The following TOE1 variants were observed in gnomAD, a reference collection of about 807,000 sequenced individuals.
The protein encoded by TOE1 is target of EGR1 protein 1.
Under a neutral mutation model 49.2 loss-of-function variants are expected in TOE1, and 50 were observed. That is an observed-to-expected ratio of 1.02 (90% confidence interval 0.81 to 1.29). The LOEUF is 1.29. TOE1 is among the 50% of genes most tolerant of loss of function. TOE1 has a pLI of 0.00. For missense variants in TOE1, 544 were observed against 654.4 expected, an observed-to-expected ratio of 0.83 and a Z score of 1.84; for synonymous variants, 221 against 247.0, an observed-to-expected ratio of 0.89 and a Z score of 0.99.
rs745910227 is a variant in TOE1, at chr1:45,343,650, G to A, written c.1481G>A (p.Arg494His). The change falls in exon 8 of 8, where the codon CGT becomes CAT. Residue 494 changes from arginine to histidine, a missense_variant. Physicochemically the swap from Arg to His is conservative, Grantham distance 29. Transcript: ENST00000372090. The surrounding 1 kb of genome is among the most constrained non-coding windows in gnomAD (Gnocchi z 4.3). ...ACAGTGGCCAAGAGCCAGTTCTCTC[G>A]TTCCTCCAAAGCCCACAATCAGAAG... ...PLTVAKSQFS[R>H]SSKAHNQKMK... The A allele has an allele frequency of 2.1e-5, 34 of 1,613,418 alleles. No homozygotes were observed. Among genetic ancestry groups the A allele is most frequent in the Middle Eastern group, 1.6e-4 (1 of 6,082 alleles).
Position 45,341,949 on chromosome 1 carries a change from G to A in TOE1, c.334G>A (p.Gly112Ser). Residue 112 changes from glycine to serine, a missense_variant and splice_region_variant, in exon 5 of 8, where the codon GGT becomes AGT. By Grantham distance (56) the Gly-to-Ser change is moderately conservative. Coordinates refer to ENST00000372090, the MANE Select transcript of TOE1 (RefSeq NM_025077.4). ...LACFKRQPDK[G>S]EHSYLAQVFN... ...TATAGCAGACTTCTCTTTCTCCCAG[G>A]GTGAACATTCCTATCTGGCTCAAGT... is the stretch of plus-strand genomic sequence containing the variant. 1 of 1,613,548 alleles carries A rather than the reference G, an allele frequency of 6.2e-7. No individual in the cohort carries two copies. Among genetic ancestry groups the A allele is most frequent in the South Asian group, 1.1e-5 (1 of 91,074 alleles).
chr1:45,343,958 G>C lies in TOE1; in HGVS notation c.*256G>C, dbSNP rs1647100286. The stretch of plus-strand genomic sequence containing the variant: ...TTTACAAAAAAAAAAATCAACAGAA[G>C]CAAGTTATGAAAATATTTGACCAGC... On this transcript the variant is annotated 3_prime_UTR_variant, in exon 8 of 8. Coordinates refer to ENST00000372090, the MANE Select transcript of TOE1 (RefSeq NM_025077.4). This position sits in a 1 kb window ranked among gnomAD's most constrained non-coding sequence, Gnocchi z 4.3. 1 of 412,894 alleles carries C rather than the reference G, an allele frequency of 2.4e-6. No homozygotes were observed. 25.6% of individuals were successfully genotyped at this position (412,894 alleles called of 1,614,324 possible). A position where few individuals can be genotyped will look rare whatever the true frequency, so the allele number is the denominator to read the frequency against.
Position 45,343,187 on chromosome 1 carries a change from C to T in TOE1, c.1018C>T (p.Arg340Ter), listed in dbSNP as rs761932920. The T allele has an allele frequency of 1.1e-5, 17 of 1,613,650 alleles. No individual in the cohort carries two copies. Among genetic ancestry groups the T allele is most frequent in the African/African-American group, 4.0e-5 (3 of 74,744 alleles). The change falls in exon 8 of 8, where the codon CGA becomes TGA. Residue 340 changes from arginine (R) to a stop codon, truncating the protein, a stop_gained. Coordinates refer to ENST00000372090, the MANE Select transcript of TOE1 (RefSeq NM_025077.4). LOFTEE classifies it high-confidence loss of function. The surrounding 1 kb of genome is among the most constrained non-coding windows in gnomAD (Gnocchi z 4.3). ...AAAEDKRRRR[R>*]RREKRKRALL... Reference sequence around the variant, plus strand: ...GGCAGAGGACAAGCGGCGACGGCGACGACGTAGGGAAAAACGGAAGAGGGC... The same window carrying T: ...GGCAGAGGACAAGCGGCGACGGCGATGACGTAGGGAAAAACGGAAGAGGGC...
rs767402084 is a variant in TOE1 at position 45,340,219 on chromosome 1, C to G, written c.-34C>G. ...GAGACGGACCGCAAGTCCAGCGTAC[C>G]CACAGACGACTCAGGCGGGAGACGA... On this transcript the variant is annotated 5_prime_UTR_variant, in exon 1 of 8. Transcript: ENST00000372090. The G allele has an allele frequency of 1.9e-6, 3 of 1,613,868 alleles. No individual in the cohort carries two copies. In the South Asian group the frequency reaches 3.3e-5, roughly 18 times the overall value.
rs1292966343 is a variant in TOE1 at position 45,343,083 on chromosome 1, C to T, written c.914C>T (p.Ala305Val). 4 of 1,613,126 alleles carry T rather than the reference C, an allele frequency of 2.5e-6. No homozygotes were observed. The African/African-American group carries it at 4.0e-5, about 16-fold the overall frequency. Reference sequence around the variant, plus strand: ...TCTAAGCCTCTTTCCCACCCCTAGGCTTATGGCTGGTGCCCCCTGGGACCA... The same window carrying T: ...TCTAAGCCTCTTTCCCACCCCTAGGTTTATGGCTGGTGCCCCCTGGGACCA... ...HPTSICDNFS[A>V]YGWCPLGPQC... Residue 305 changes from alanine to valine, a missense_variant and splice_region_variant, in exon 8 of 8, where the codon GCT becomes GTT. By Grantham distance (64) the Ala-to-Val change is moderately conservative. Coordinates refer to ENST00000372090, the MANE Select transcript of TOE1 (RefSeq NM_025077.4). The surrounding 1 kb of genome is among the most constrained non-coding windows in gnomAD (Gnocchi z 4.3).
intron 3 of TOE1, 64 bp downstream of exon 3, chr1:45,341,407 C>T (rs1197655948): frequency 1.9e-6 from 3 of 1,613,920 alleles, no homozygotes; most frequent in Admixed American, 1.7e-5. Flanking sequence ...GGTCACAGAC[C>T]TGGGTGGTTT....
In TOE1 at chr1:45,342,112, G is replaced by A. The variant is rs200132965; in HGVS notation, c.492+5G>A. The A allele has an allele frequency of 4.0e-4, 651 of 1,613,464 alleles. 4 individuals are homozygous for A. In the Middle Eastern group the frequency reaches 7.1e-3, roughly 18 times the overall value. On this transcript the variant is annotated splice_donor_5th_base_variant and intron_variant, in intron 5 of 7. Coordinates refer to ENST00000372090, the MANE Select transcript of TOE1 (RefSeq NM_025077.4). ...TACCATAAGGGCAATGACAAGGTAG[G>A]CCTCTAGCCTCCCTAGCCTTGAGTC...
intron 1 of TOE1, 90 bp from the exon 2 acceptor site, chr1:45,340,983 C>T: frequency 1.9e-6 from 3 of 1,573,646 alleles, no homozygotes; most frequent in Non-Finnish European, 2.6e-6. Context: ...AAACTACCCC[C>T]CTTACCACCA....
chr1:45,340,536 C>T (rs536493308), intron 1 of TOE1: 11 of 1,409,914 alleles, frequency 7.8e-6, no homozygotes, highest in Non-Finnish European at 1.0e-5. Flanking sequence ...GTCTGGAGCT[C>T]ATAACGGTTA....
chr1:45,342,746 G>A, intron 6 of TOE1, 97 bp from the exon 7 acceptor site: 1 of 1,600,190 alleles, frequency 6.2e-7, no homozygotes, highest in Non-Finnish European at 8.5e-7. Context: ...CAGTGTTTTA[G>A]GTGCTGAGGA....
chr1:45,341,341 C>T lies in TOE1; in HGVS notation c.234C>T (p.Asn78=), dbSNP rs1342575613. The part of the protein sequence containing the change: ...SGLGDRKSLL[N]QCIEERYKAV... The stretch of plus-strand genomic sequence containing the variant: ...TTGGGGACAGGAAGAGTTTGCTGAA[C>T]CAGTAAGTATAAGCCCTTTTCTCTT... Residue 78 remains asparagine, a splice_region_variant and synonymous_variant, in exon 3 of 8, where the codon AAC becomes AAT. Transcript: ENST00000372090. The T allele has an allele frequency of 5.6e-6, 9 of 1,613,996 alleles. No homozygotes were observed. The highest frequency in any genetic ancestry group is 1.7e-5 in the Admixed American group (1 of 60,002).
Position 45,341,302 on chromosome 1 carries a change from G to A in TOE1, c.196-1G>A. The A allele has an allele frequency of 6.2e-7, 1 of 1,614,216 alleles. No individual in the cohort carries two copies. The highest frequency in any genetic ancestry group is 8.5e-7 in the Non-Finnish European group (1 of 1,180,042). On this transcript the variant is annotated splice_acceptor_variant, in intron 2 of 7. Coordinates refer to ENST00000372090, the MANE Select transcript of TOE1 (RefSeq NM_025077.4). LOFTEE classifies it high-confidence loss of function. ...ACAACTCTCCCTTTACCTACCCACA[G>A]GAGCTGAGTGGGCTTGGGGACAGGA...
chr1:45,340,865 C>T (rs1224544234), intron 1 of TOE1, among the ~76,000 whole-genome samples: 1 of 152,166 alleles, frequency 6.6e-6, no homozygotes, highest in African/African-American at 2.4e-5. Context: ...TCATACAAGC[C>T]AGTAGAAGAC....
intron 2 of TOE1, 33 bp from the exon 3 acceptor site, chr1:45,341,270 G>A (rs747194106): frequency 1.2e-6 from 2 of 1,614,176 alleles, no homozygotes; most frequent in South Asian, 1.1e-5. Context: ...GGTGCTAGAG[G>A]CCTGTCACAA....
Position 45,341,557 on chromosome 1 carries a change from G to A in TOE1, c.321G>A (p.Arg107=), listed in dbSNP as rs1448400302. 1 of 1,613,474 alleles carries A rather than the reference G, an allele frequency of 6.2e-7. No homozygotes were observed. Among genetic ancestry groups the A allele is most frequent in the South Asian group, 1.1e-5 (1 of 90,940 alleles). ...ILSLGLACFK[R]QPDKGEHSYL... Reference sequence around the variant, plus strand: ...CCCTGGGCCTCGCCTGCTTCAAGCGGCAGCCAGACAAGGTATGAGCTGATC... The same window carrying A: ...CCCTGGGCCTCGCCTGCTTCAAGCGACAGCCAGACAAGGTATGAGCTGATC... Residue 107 remains arginine, a synonymous_variant, in exon 4 of 8, where the codon CGG becomes CGA. Coordinates refer to ENST00000372090, the MANE Select transcript of TOE1 (RefSeq NM_025077.4).
At chr1:45,341,817 T>G in intron 4 of TOE1, 132 bp from the exon 5 acceptor site, 1 of 993,426 alleles carries the variant, frequency 1.0e-6, no homozygotes, top group Non-Finnish European at 1.5e-6. Context: ...CAATGCGTAG[T>G]CTTTTATCCC....
In TOE1 at chr1:45,342,107, G is replaced by A. The variant is rs1197716987; in HGVS notation, c.492G>A (p.Lys164=). The change falls in exon 5 of 8, where the codon AAG becomes AAA. Residue 164 remains lysine, a splice_region_variant and synonymous_variant. Coordinates refer to ENST00000372090, the MANE Select transcript of TOE1 (RefSeq NM_025077.4). ...TCCCCTACCATAAGGGCAATGACAA[G>A]GTAGGCCTCTAGCCTCCCTAGCCTT... ...QGIPYHKGND[K]GDESQSQSVR... 2 of 1,613,708 alleles carry A rather than the reference G, an allele frequency of 1.2e-6. No homozygotes were observed. Among genetic ancestry groups the A allele is most frequent in the Non-Finnish European group, 1.7e-6 (2 of 1,179,792 alleles).
intron 1 of TOE1, chr1:45,340,617 T>C (rs961649826): frequency 3.0e-6 from 4 of 1,312,874 alleles, no homozygotes; most frequent in Admixed American, 3.3e-5. Context: ...TAGGACGTAT[T>C]GGGAGCTCTG....
chr1:45,341,149 C>T lies in TOE1; in HGVS notation c.129C>T (p.Asn43=), dbSNP rs1017084027. 3 of 1,614,206 alleles carry T rather than the reference C, an allele frequency of 1.9e-6. No homozygotes were observed. Among genetic ancestry groups the T allele is most frequent in the Non-Finnish European group, 2.5e-6 (3 of 1,180,036 alleles). The change falls in exon 2 of 8, where the codon AAC becomes AAT. Residue 43 remains asparagine, a synonymous_variant. Coordinates refer to ENST00000372090, the MANE Select transcript of TOE1 (RefSeq NM_025077.4). ...QVPVVDVQSN[N]FKEMWPSLLL... ...CCGTAGTGGATGTGCAAAGCAACAA[C>T]TTCAAGGAGATGTGGCCATCCCTCC...
Sources: allele counts gnomAD v4.1 joint callset (sites outside exome capture counted in the v4.1 genomes callset), GRCh38; gene constraint gnomAD v4.1.1; non-coding constraint Gnocchi (gnomAD v3.1); transcripts MANE v1.5; gene names NCBI Gene and HGNC (gene_info 2026-07-23, HGNC 2026-07-21).